CHAF1A: variants seen among roughly 807,000 people sequenced by gnomAD.
CHAF1A encodes the protein CAF-1 subunit A.
In CHAF1A, 5 loss-of-function variants were observed where a neutral mutation model predicts 93.2. The observed-to-expected ratio is 0.05, with a 90% CI of 0.03 to 0.11. The LOEUF (loss-of-function observed/expected upper bound fraction) is 0.11, where lower values mean the gene tolerates loss of function less well. CHAF1A is among the 10% of genes least tolerant of loss of function. The probability of loss-of-function intolerance (pLI) is 1.00; values close to 1 mark genes in which losing one functional copy is unlikely to be tolerated. For missense variants in CHAF1A, 1,102 were observed against 1,259.9 expected (o/e 0.87, Z 1.90); for synonymous variants, 504 against 510.3 (o/e 0.99, Z 0.17).
At chr19:4,415,196 C>T (rs1973876937) in intron 3 of CHAF1A, among the ~76,000 whole-genome samples, 1 of 152,108 alleles carries the variant, frequency 6.6e-6, no homozygotes, top group South Asian at 2.1e-4. Context: ...GATCTATAAA[C>T]ACTTGGGTCA....
intron 1 of CHAF1A, among the ~76,000 whole-genome samples, chr19:4,404,945 G>T (rs935439072): frequency 1.3e-5 from 2 of 151,978 alleles, no homozygotes; most frequent in African/African-American, 4.8e-5. Context: ...TTTAAATTGT[G>T]GTACCTTCAT....
At chr19:4,445,827 C>T (rs1459222045), downstream of CHAF1A, 19 of 1,042,410 alleles carry the variant, frequency 1.8e-5, no homozygotes, top group Middle Eastern at 6.3e-4. Flanking sequence ...AGCTAACGCA[C>T]GTCACCGCTC....
chr19:4,414,153 C>G (rs1246938641), intron 3 of CHAF1A, among the ~76,000 whole-genome samples: 1 of 152,140 alleles, frequency 6.6e-6, no homozygotes, highest in East Asian at 1.9e-4. Flanking sequence ...GTAACCCCAG[C>G]ACTTTGGGAA....
intron 3 of CHAF1A, among the ~76,000 whole-genome samples, chr19:4,411,719 C>T (rs1973807978): frequency 7.4e-6 from 1 of 134,558 alleles, no homozygotes; most frequent in Non-Finnish European, 1.5e-5. Context: ...ATGGTCTCAG[C>T]CTACTGCAGC....
chr19:4,418,111 G>C (rs1406252192), intron 4 of CHAF1A, 35 bp downstream of exon 4: 1 of 1,465,804 alleles, frequency 6.8e-7, no homozygotes, highest in Non-Finnish European at 9.4e-7. Context: ...AAATTAACCT[G>C]CTGTGCTTTT....
At chr19:4,446,258 C>T (rs1245668404), downstream of CHAF1A, 2 of 1,569,896 alleles carry the variant, frequency 1.3e-6, no homozygotes, top group Non-Finnish European at 1.7e-6. Flanking sequence ...CCGAGCCGCC[C>T]TCCACGGGCA....
chr19:4,438,909 G>T (rs1476382333), intron 13 of CHAF1A, among the ~76,000 whole-genome samples: 1 of 152,202 alleles, frequency 6.6e-6, no homozygotes, highest in Non-Finnish European at 1.5e-5. Context: ...ATGAACCTGG[G>T]AGGCGGAGCT....
At chr19:4,420,762 GTC>G (rs1255752905) in intron 4 of CHAF1A, among the ~76,000 whole-genome samples, 1 of 152,102 alleles carries the variant, frequency 6.6e-6, no homozygotes, top group Non-Finnish European at 1.5e-5. Flanking sequence ...GCAACGTAGT[GTC>G]TCTACTAAAA....
At chr19:4,416,722 C>G (rs1157656870) in intron 3 of CHAF1A, among the ~76,000 whole-genome samples, 1 of 152,048 alleles carries the variant, frequency 6.6e-6, no homozygotes, top group Non-Finnish European at 1.5e-5. Flanking sequence ...AAACCCCTAT[C>G]TCCACTAAAA....
chr19:4,447,122 C>G (rs1481024126), downstream of CHAF1A: 5 of 609,814 alleles, frequency 8.2e-6, no homozygotes, highest in South Asian at 5.9e-5. Flanking sequence ...CAGCTCTGCA[C>G]AGAGGAAAGA....
chr19:4,423,732 G>A, intron 6 of CHAF1A, 74 bp from the exon 7 acceptor site: 1 of 1,405,024 alleles, frequency 7.1e-7, no homozygotes, highest in Admixed American at 1.7e-5. Context: ...GGTTCTGGGG[G>A]CCTTTGCATG....
intron 12 of CHAF1A, among the ~76,000 whole-genome samples, chr19:4,432,783 CTG>C (rs377106458): frequency 2.0e-3 from 294 of 146,160 alleles, no homozygotes; most frequent in African/African-American, 7.1e-3. Context: ...ACTCAAAAAA[CTG>C]GGGAGGGACC....
chr19:4,407,246 C>A (rs61482417), intron 2 of CHAF1A, among the ~76,000 whole-genome samples: 51,524 of 111,694 alleles, frequency 0.46, 9,201 homozygotes, highest in Non-Finnish European at 0.54. Flanking sequence ...CACACCCCCC[C>A]CAAAAAAAAA....
At chr19:4,420,246 T>A (rs532425750) in intron 4 of CHAF1A, among the ~76,000 whole-genome samples, 33 of 65,980 alleles carry the variant, frequency 5.0e-4, no homozygotes, top group African/African-American at 1.8e-3. Context: ...CAGGTGAGCG[T>A]TTTTTTTTTT....
chr19:4,422,238 T>G lies in CHAF1A; in HGVS notation c.1018-328T>G, dbSNP rs529550589. ...CATCTTGGCCAGGCTGGTCTCGAAC[T>G]CCTGACCTCAGGTGATCCACTTGCC... On this transcript the variant is annotated intron_variant, in intron 4 of 14. Coordinates refer to ENST00000301280, the MANE Select transcript of CHAF1A (RefSeq NM_005483.3). This position sits in a 1 kb window ranked among gnomAD's most constrained non-coding sequence, Gnocchi z 4.6. Among the ~76,000 whole-genome samples the G allele has an allele frequency of 5.9e-5, 9 of 152,268 alleles. No individual in the cohort carries two copies. Among genetic ancestry groups the G allele is most frequent in the African/African-American group, 1.9e-4 (8 of 41,560 alleles).
chr19:4,432,991 GTGTA>G (rs1974214807), intron 12 of CHAF1A, 75 bp from the exon 13 acceptor site: 1 of 1,166,660 alleles, frequency 8.6e-7, no homozygotes, highest in African/African-American at 1.5e-5. Context: ...CAATGAGCTT[GTGTA>G]TGTGTTTTGT....
chr19:4,446,844 T>C, downstream of CHAF1A: 1 of 1,614,052 alleles, frequency 6.2e-7, no homozygotes, highest in Middle Eastern at 1.6e-4. Flanking sequence ...ACCCTGATCC[T>C]GGGCGGGAAG....
chr19:4,420,247 T>G (rs1045331051), intron 4 of CHAF1A, among the ~76,000 whole-genome samples: 1 of 68,692 alleles, frequency 1.5e-5, no homozygotes, highest in South Asian at 5.3e-4. Context: ...AGGTGAGCGT[T>G]TTTTTTTTTT....
chr19:4,442,330 C>A lies in CHAF1A; in HGVS notation c.2759C>A (p.Pro920Gln). 1 of 1,597,504 alleles carries A rather than the reference C, an allele frequency of 6.3e-7. No homozygotes were observed. The highest frequency in any genetic ancestry group is 8.5e-7 in the Non-Finnish European group (1 of 1,171,124). Residue 920 changes from proline (P) to glutamine (Q), a missense_variant, in exon 14 of 15, where the codon CCG becomes CAG. Physicochemically the swap from Pro to Gln is moderately conservative, Grantham distance 76. Around this residue, in one of 6 missense-constraint regions of CHAF1A, gnomAD observed 119 missense variants for 102.2 expected, o/e 1.16. Transcript: ENST00000301280. Reference protein sequence around the residue: ...EEGDCMIVDVPDAAEVQAPCG... With the variant: ...EEGDCMIVDVQDAAEVQAPCG... ...GGCGACTGTATGATCGTGGATGTCCCGGATGCTGCGGGTGAGAAGGGCTGT... is the reference window on the plus strand; with the variant it reads ...GGCGACTGTATGATCGTGGATGTCCAGGATGCTGCGGGTGAGAAGGGCTGT...
Sources: gnomAD v4.1 joint callset for allele counts (sites outside exome capture counted in the v4.1 genomes callset) on GRCh38, gnomAD v4.1.1 for gene constraint, gnomAD v4.1.1 regional missense constraint, Gnocchi (gnomAD v3.1) non-coding constraint, MANE v1.5 for transcripts, NCBI Gene and HGNC (gene_info 2026-07-23, HGNC 2026-07-21) for gene names.